Variants in LILRA2 observed in about 807,000 individuals in gnomAD.
The protein encoded by LILRA2 is leukocyte immunoglobulin like receptor A2.
Under a neutral mutation model 47.9 loss-of-function variants are expected in LILRA2, and 45 were observed. The ratio of observed to expected loss-of-function variants is 0.94; its 90% CI spans 0.74 to 1.20. LILRA2 has a LOEUF of 1.20. LILRA2 is among the 50% of genes most tolerant of loss of function. The pLI, the probability that LILRA2 is intolerant of heterozygous loss-of-function variation, is 0.00. For missense variants in LILRA2, 651 were observed against 598.2 expected, an observed-to-expected ratio of 1.09 and a Z score of -0.92; for synonymous variants, 279 against 249.2, an observed-to-expected ratio of 1.12 and a Z score of -1.13.
chr19:54,587,167 G>A (rs768657477), intron 7 of LILRA2, 34 bp from the exon 8 acceptor site: 12 of 1,613,526 alleles, frequency 7.4e-6, no homozygotes, highest in South Asian at 3.3e-5. Flanking sequence ...GGGTGATTCC[G>A]ATCTGCCCTG....
At chr19:54,587,157 G>A in intron 7 of LILRA2, 44 bp from the exon 8 acceptor site, 1 of 1,613,236 alleles carries the variant, frequency 6.2e-7, no homozygotes. Flanking sequence ...AGGAGTCCCG[G>A]GGTGATTCCG....
chr19:54,578,697 C>T (rs540267568), intron 6 of LILRA2, among the ~76,000 whole-genome samples: 1 of 152,342 alleles, frequency 6.6e-6, no homozygotes, highest in East Asian at 1.9e-4. Context: ...GGAATCGTCA[C>T]ACTGTCTTCC....
rs750139820 is a variant in LILRA2, at chr19:54,575,527, T to A, written c.927T>A (p.Ser309Arg). 2 of 1,610,810 alleles carry A rather than the reference T, an allele frequency of 1.2e-6. No homozygotes were observed. The highest frequency in any genetic ancestry group is 1.7e-6 in the Non-Finnish European group (2 of 1,179,224). Residue 309 changes from serine (S) to arginine (R), a missense_variant, in exon 5 of 8, where the codon AGT becomes AGA. Transcript: ENST00000391738. ...TCTCCTCCGAGTGGTCGGCCCCCAG[T>A]GACCCCCTGGACATCCTGATCACAG... ...HNLSSEWSAPSDPLDILITGQ... is the reference protein window; with the variant it reads ...HNLSSEWSAPRDPLDILITGQ...
Position 54,587,219 on chromosome 19 carries a change from C to T in LILRA2, c.1325C>T (p.Pro442Leu), listed in dbSNP as rs757517756. ...TGTCCAGCATCCCTAGGCCAACACC[C>T]CCAGGATTACACAGTGGAGAATCTC... ...DSTTTSLGQHPQDYTVENLIR... is the reference protein window; with the variant it reads ...DSTTTSLGQHLQDYTVENLIR... Residue 442 changes from proline (P) to leucine (L), a missense_variant, in exon 8 of 8, where the codon CCC (proline) becomes CTC (leucine). By Grantham distance (98) the Pro-to-Leu change is moderately conservative. Transcript: ENST00000391738. The T allele has an allele frequency of 6.2e-7, 1 of 1,613,376 alleles. No individual in the cohort carries two copies. The highest frequency in any genetic ancestry group is 1.7e-5 in the Admixed American group (1 of 60,004).
At position 54,589,918 on chromosome 19, in the gene LILRA2, A is replaced by G. The variant is rs773001683; in HGVS notation, c.*2572A>G. 3 of 152,108 alleles carry G rather than the reference A, an allele frequency of 2.0e-5. No individual in the cohort carries two copies. The highest frequency in any genetic ancestry group is 4.4e-5 in the Non-Finnish European group (3 of 68,020). 9.4% of individuals were successfully genotyped at this position (152,108 alleles called of 1,614,324 possible). A position where few individuals can be genotyped will look rare whatever the true frequency, so the allele number is the denominator to read the frequency against. ...TTCTACCACTTTTCAGTCCTGGGAA[A>G]CTCAGTCCCAATGTGCTTGTCATTC... On this transcript the variant is annotated 3_prime_UTR_variant, in exon 8 of 8. Coordinates refer to ENST00000391738, the MANE Select transcript of LILRA2 (RefSeq NM_001130917.3).
At chr19:54,584,178 G>A (rs551818862) in intron 6 of LILRA2, among the ~76,000 whole-genome samples, 78 of 152,266 alleles carry the variant, frequency 5.1e-4, no homozygotes, top group African/African-American at 1.8e-3. Flanking sequence ...TGGGTAACCA[G>A]ACCTTTCTCT....
chr19:54,584,744 G>T (rs2062747184), intron 6 of LILRA2, among the ~76,000 whole-genome samples: 1 of 152,156 alleles, frequency 6.6e-6, no homozygotes, highest in Non-Finnish European at 1.5e-5. Flanking sequence ...GAAGAAGTTT[G>T]TTATTACCGA....
intron 2 of LILRA2, 31 bp downstream of exon 2, chr19:54,574,142 T>C: frequency 6.2e-7 from 1 of 1,614,226 alleles, no homozygotes; most frequent in African/African-American, 1.3e-5. Context: ...CCCAGGTCCC[T>C]CCTCCTCACT....
chr19:54,587,247 C>A lies in LILRA2; in HGVS notation c.1353C>A (p.Ile451=). The change falls in exon 8 of 8, where the codon ATC becomes ATA. Residue 451 remains isoleucine, a synonymous_variant. Transcript: ENST00000391738. ...AGGATTACACAGTGGAGAATCTCAT[C>A]CGCATGGGTGTGGCTGGCTTGGTCC... The part of the protein sequence containing the change: ...HPQDYTVENL[I]RMGVAGLVLV... The A allele has an allele frequency of 6.2e-7, 1 of 1,614,120 alleles. No homozygotes were observed. The highest frequency in any genetic ancestry group is 8.5e-7 in the Non-Finnish European group (1 of 1,180,008).
At chr19:54,576,616 A>T (rs2062453721) in intron 6 of LILRA2, among the ~76,000 whole-genome samples, 1 of 152,362 alleles carries the variant, frequency 6.6e-6, no homozygotes, top group East Asian at 1.9e-4. Context: ...GGCTTCAGGG[A>T]TGGGGCAGGT....
intron 6 of LILRA2, among the ~76,000 whole-genome samples, chr19:54,580,201 T>C (rs1285545908): frequency 7.0e-6 from 1 of 143,130 alleles, no homozygotes; most frequent in Non-Finnish European, 1.5e-5. Context: ...TCTTTTCTTT[T>C]TTTTTTTTTT....
In LILRA2 at chr19:54,575,824, C is replaced by A. The variant is rs761928902; in HGVS notation, c.970C>A (p.Pro324Thr). ...ILITGQFYDR[P>T]SLSVQPVPTV... is the part of the protein sequence containing the mutation. ...CTCTCTAGGACAGTTCTATGACAGA[C>A]CCTCTCTCTCGGTGCAGCCGGTCCC... The change falls in exon 6 of 8, where the codon CCC becomes ACC. Residue 324 changes from proline to threonine, a missense_variant. Coordinates refer to ENST00000391738, the MANE Select transcript of LILRA2 (RefSeq NM_001130917.3). 1.9e-6 allele frequency: 3 copies of A among 1,613,702 alleles called. No homozygotes were observed. The highest frequency in any genetic ancestry group is 2.2e-5 in the South Asian group (2 of 91,016).
Position 54,590,189 on chromosome 19 carries a change from C to A in LILRA2, c.*2843C>A, listed in dbSNP as rs1041251115. ...TAGAGATATATCTGTTTCCTCTTCT[C>A]ACTCTATTCTTTGTGTGCATTAATT... On this transcript the variant is annotated 3_prime_UTR_variant, in exon 8 of 8. Transcript: ENST00000391738. 4 of 149,842 alleles carry A rather than the reference C, an allele frequency of 2.7e-5. No homozygotes were observed. Among genetic ancestry groups the A allele is most frequent in the African/African-American group, 1.0e-4 (4 of 39,224 alleles). 9.3% of individuals were successfully genotyped at this position (149,842 alleles called of 1,614,324 possible).
At position 54,590,106 on chromosome 19, in the gene LILRA2, T is replaced by C. The variant is rs1270082763; in HGVS notation, c.*2760T>C. 6.6e-6 allele frequency: 1 copy of C among 152,260 alleles called. No individual in the cohort carries two copies. Among genetic ancestry groups the C allele is most frequent in the Admixed American group, 6.5e-5 (1 of 15,290 alleles). The allele number at this position is 152,260 out of a possible 1,614,324, so 9.4% of individuals were successfully genotyped here. A position where few individuals can be genotyped will look rare whatever the true frequency, so the allele number is the denominator to read the frequency against. Reference sequence around the variant, plus strand: ...CTGTAAAAATGTCAACTATTTCCTTTGCAAGTATTTATTGACTAACATACT... The same window carrying C: ...CTGTAAAAATGTCAACTATTTCCTTCGCAAGTATTTATTGACTAACATACT... On this transcript the variant is annotated 3_prime_UTR_variant, in exon 8 of 8. Transcript: ENST00000391738.
At chr19:54,573,458 C>CTGA (rs989650223), upstream of LILRA2, 653 of 1,085,530 alleles carry the variant, frequency 6.0e-4, 4 homozygotes, top group African/African-American at 8.4e-3. Context: ...CAACGCTGAG[C>CTGA]TGATGGACGG....
intron 6 of LILRA2, among the ~76,000 whole-genome samples, chr19:54,585,963 T>C (rs1405365791): frequency 6.6e-6 from 1 of 152,256 alleles, no homozygotes; most frequent in Non-Finnish European, 1.5e-5. Context: ...GGTTTCATTA[T>C]GTTCTTTTTA....
chr19:54,576,903 C>T (rs1047500549), intron 6 of LILRA2, among the ~76,000 whole-genome samples: 1 of 152,286 alleles, frequency 6.6e-6, no homozygotes, highest in African/African-American at 2.4e-5. Context: ...GACTCCTCAT[C>T]TGAATAAGGG....
intron 6 of LILRA2, chr19:54,577,651 C>T (rs1224259371): frequency 7.8e-7 from 1 of 1,289,360 alleles, no homozygotes; most frequent in African/African-American, 1.5e-5. Flanking sequence ...CCTGTGCTCA[C>T]CTGGAGGCCT....
intron 6 of LILRA2, among the ~76,000 whole-genome samples, chr19:54,576,593 C>T (rs188246496): frequency 1.3e-4 from 20 of 152,366 alleles, no homozygotes; most frequent in Non-Finnish European, 1.9e-4. Context: ...GTGTGGTCTG[C>T]GTGGCTTCCT....
Sources: allele counts gnomAD v4.1 joint callset (sites outside exome capture counted in the v4.1 genomes callset), GRCh38; gene constraint gnomAD v4.1.1; transcripts MANE v1.5; gene names NCBI Gene and HGNC (gene_info 2026-07-23, HGNC 2026-07-21).